The following SYNPO2 variants were observed in gnomAD, a reference collection of about 807,000 sequenced individuals.
SYNPO2 encodes synaptopodin-2.
In SYNPO2, 56 loss-of-function variants were observed where a neutral mutation model predicts 85.0. The ratio of observed to expected loss-of-function variants is 0.66; its 90% CI spans 0.53 to 0.82. SYNPO2 has a LOEUF of 0.82. SYNPO2 is among the 40% of genes least tolerant of loss of function. The pLI is 0.00. For synonymous variants in SYNPO2, 602 were observed against 591.1 expected, an observed-to-expected ratio of 1.02 and a Z score of -0.27; for missense variants, 1,575 against 1,534.2, an observed-to-expected ratio of 1.03 and a Z score of -0.44.
chr4:119,025,290 C>A (rs1010191036), intron 2 of SYNPO2, among the ~76,000 whole-genome samples: 4 of 152,140 alleles, frequency 2.6e-5, no homozygotes, highest in Admixed American at 6.5e-5. Flanking sequence ...ACTCTCTGAC[C>A]TTTTGGTACC....
chr4:118,855,008 TC>T (rs1265650470), intron 1 of SYNPO2, among the ~76,000 whole-genome samples: 1 of 151,896 alleles, frequency 6.6e-6, no homozygotes, highest in Non-Finnish European at 1.5e-5. Flanking sequence ...GTGTTCAAAA[TC>T]AAAACTGTCA....
At chr4:119,042,096 GC>G in intron 4 of SYNPO2, 1 of 6,984 alleles carries the variant, frequency 1.4e-4, no homozygotes, top group Non-Finnish European at 2.9e-4. Flanking sequence ...AAAGGAACAG[GC>G]AGGCGCTGAA....
chr4:118,975,056 C>T (rs959757759), intron 1 of SYNPO2, among the ~76,000 whole-genome samples: 6 of 152,116 alleles, frequency 3.9e-5, no homozygotes, highest in African/African-American at 1.4e-4. Context: ...ATGGTTCTAC[C>T]CCAGTAATCC....
In SYNPO2 at chr4:119,031,889, A is replaced by G; in HGVS notation, c.3114A>G (p.Ala1038=). The G allele has an allele frequency of 1.2e-6, 2 of 1,614,174 alleles. No homozygotes were observed. Residue 1038 remains alanine (A), a synonymous_variant, in exon 4 of 5, where the codon GCA becomes GCG. Transcript: ENST00000307142. ...PAYTSPPSFF[A]EASSPVSASP... ...ATACCTCTCCTCCTTCCTTCTTTGCAGAGGCCTCCTCACCAGTCAGTGCAT... is the reference window on the plus strand; with the variant it reads ...ATACCTCTCCTCCTTCCTTCTTTGCGGAGGCCTCCTCACCAGTCAGTGCAT...
intron 1 of SYNPO2, among the ~76,000 whole-genome samples, chr4:118,938,448 A>G (rs1734188709): frequency 6.6e-6 from 1 of 152,152 alleles, no homozygotes; most frequent in Admixed American, 6.5e-5. Context: ...GAATCCATGG[A>G]TGCAGAAACT....
intron 1 of SYNPO2, among the ~76,000 whole-genome samples, chr4:118,905,166 T>C (rs934208071): frequency 6.6e-5 from 10 of 152,152 alleles, no homozygotes; most frequent in East Asian, 3.8e-4. Context: ...GGACTGAGAG[T>C]AGACACAAAT....
intron 1 of SYNPO2, among the ~76,000 whole-genome samples, chr4:118,856,113 C>T (rs977701420): frequency 1.3e-5 from 2 of 152,146 alleles, no homozygotes; most frequent in African/African-American, 4.8e-5. Context: ...ATACCTGGCC[C>T]CACAGCTAGT....
At position 118,949,589 on chromosome 4, in the gene SYNPO2, A is replaced by C. The variant is rs550874520; in HGVS notation, c.105+60448A>C. On this transcript the variant is annotated intron_variant, in intron 1 of 4. Coordinates refer to ENST00000307142, the MANE Select transcript of SYNPO2 (RefSeq NM_133477.3). The stretch of plus-strand genomic sequence containing the variant: ...AAACCTGTCTCTACTAAAAAAAAAA[A>C]AAAACAAAAATTAGCTGGGTGTAAT... 1.1e-4 allele frequency among the ~76,000 whole-genome samples: 17 copies of C among 151,894 alleles called. No individual in the cohort carries two copies. The South Asian group carries it at 1.5e-3, about 13-fold the overall frequency.
rs367711984 is a variant in SYNPO2, at chr4:119,031,417, C to T, written c.2642C>T (p.Ser881Leu). The T allele has an allele frequency of 1.1e-5, 18 of 1,613,990 alleles. No homozygotes were observed. The highest frequency in any genetic ancestry group is 1.6e-4 in the Middle Eastern group (1 of 6,084). The change falls in exon 4 of 5, where the codon TCG becomes TTG. Residue 881 changes from serine to leucine, a missense_variant. Ser to Leu is a moderately radical substitution (Grantham distance 145). Coordinates refer to ENST00000307142, the MANE Select transcript of SYNPO2 (RefSeq NM_133477.3). The stretch of plus-strand genomic sequence containing the variant: ...GCTCAGCTCTTTGCTAAAAGGCAGT[C>T]GAGAATGGAGAAGTATGTGGTCGAT... ...RGAQLFAKRQ[S>L]RMEKYVVDSD...
rs149745307 is a variant in SYNPO2, at chr4:119,000,439, C to T, written c.106-22991C>T. On this transcript the variant is annotated intron_variant, in intron 1 of 4. Transcript: ENST00000307142. ...GATATGTCCAAGCTGAGGAAGACTT[C>T]CTGATGACTGTCATGTAAAACAGCA... is the stretch of plus-strand genomic sequence containing the variant. Among the ~76,000 whole-genome samples the T allele has an allele frequency of 2.2e-4, 34 of 152,278 alleles. 1 individual carries two copies. In the East Asian group the frequency reaches 6.6e-3, roughly 29 times the overall value.
chr4:119,020,738 T>A (rs1737692075), intron 1 of SYNPO2, among the ~76,000 whole-genome samples: 1 of 152,122 alleles, frequency 6.6e-6, no homozygotes, highest in Non-Finnish European at 1.5e-5. Context: ...CCTACCTAAT[T>A]TTTTTTATAA....
Position 118,888,891 on chromosome 4 carries a change from G to T in SYNPO2, c.-146G>T. ...AGCAGGCGGCTGGGGCGGCGGCTGG[G>T]GCAGCGGCTGCAGCAGCGGCGGACG... On this transcript the variant is annotated 5_prime_UTR_variant, in exon 1 of 5. Coordinates refer to ENST00000307142, the MANE Select transcript of SYNPO2 (RefSeq NM_133477.3). 1.2e-6 allele frequency: 1 copy of T among 804,230 alleles called. No homozygotes were observed. Among genetic ancestry groups the T allele is most frequent in the South Asian group, 1.6e-5 (1 of 64,222 alleles). 49.8% of individuals were successfully genotyped at this position (804,230 alleles called of 1,614,324 possible). A position where few individuals can be genotyped will look rare whatever the true frequency, so the allele number is the denominator to read the frequency against.
intron 1 of SYNPO2, among the ~76,000 whole-genome samples, chr4:118,937,903 ACCTATATGTAT>A (rs1204506871): frequency 6.6e-6 from 1 of 152,136 alleles, no homozygotes; most frequent in East Asian, 1.9e-4. Context: ...TTTTCATATA[ACCTATATGTAT>A]CCTCCCATAT....
chr4:119,040,480 G>A (rs1738671496), intron 4 of SYNPO2, among the ~76,000 whole-genome samples: 1 of 152,096 alleles, frequency 6.6e-6, no homozygotes, highest in Non-Finnish European at 1.5e-5. Context: ...TATTGTGCCA[G>A]CATTCTTTTC....
At chr4:118,943,326 G>A (rs1734384706) in intron 1 of SYNPO2, among the ~76,000 whole-genome samples, 1 of 152,202 alleles carries the variant, frequency 6.6e-6, no homozygotes. Context: ...AGCTACAAGA[G>A]AGGGGCTCGG....
chr4:119,022,724 A>ATTTGT (rs1553947323), intron 1 of SYNPO2, among the ~76,000 whole-genome samples: 1 of 142,300 alleles, frequency 7.0e-6, no homozygotes, highest in Non-Finnish European at 1.5e-5. Context: ...ATTTTATTTT[A>ATTTGT]ATTTTATTTT....
Position 119,031,171 on chromosome 4 carries a change from A to G in SYNPO2, c.2396A>G (p.Lys799Arg), listed in dbSNP as rs573930944. The change falls in exon 4 of 5, where the codon AAG (lysine) becomes AGG (arginine). Residue 799 changes from lysine to arginine, a missense_variant. Lys to Arg is a conservative substitution (Grantham distance 26). This residue lies in a region of SYNPO2 where 1,508 missense variants were observed against 1,446.8 expected (regional missense o/e 1.04). Transcript: ENST00000307142. Reference sequence around the variant, plus strand: ...GCCTTCCCCACATCCAACCCATCAAAGGGCACCGTTGTCTCCTCCATCAAA... The same window carrying G: ...GCCTTCCCCACATCCAACCCATCAAGGGGCACCGTTGTCTCCTCCATCAAA... The part of the protein sequence containing the change: ...PPAFPTSNPS[K>R]GTVVSSIKIA... The G allele has an allele frequency of 6.2e-7, 1 of 1,614,008 alleles. No homozygotes were observed. The highest frequency in any genetic ancestry group is 8.5e-7 in the Non-Finnish European group (1 of 1,179,992).
chr4:118,966,449 C>A (rs1032983340), intron 1 of SYNPO2, among the ~76,000 whole-genome samples: 1 of 152,044 alleles, frequency 6.6e-6, no homozygotes, highest in African/African-American at 2.4e-5. Flanking sequence ...GAGCACAGCT[C>A]CCCCACTTAC....
rs546298905 is a variant in SYNPO2 at position 119,026,734 on chromosome 4, C to A, written c.365C>A (p.Pro122Gln). ...GAAAGTACCACCCTGCAGATTCGAC[C>A]GGCCACAAAGACCCAGTGCACAGAA... ...YVESTTLQIRPATKTQCTEFF... is the reference protein window; with the variant it reads ...YVESTTLQIRQATKTQCTEFF... Residue 122 changes from proline (P) to glutamine (Q), a missense_variant, in exon 3 of 5, where the codon CCG becomes CAG. Around this residue, in one of 3 missense-constraint regions of SYNPO2, gnomAD observed 1,508 missense variants for 1,446.8 expected, o/e 1.04. Transcript: ENST00000307142. 1 of 1,614,128 alleles carries A rather than the reference C, an allele frequency of 6.2e-7. No homozygotes were observed. Among genetic ancestry groups the A allele is most frequent in the East Asian group, 2.2e-5 (1 of 44,874 alleles).
Sources: allele counts gnomAD v4.1 joint callset (sites outside exome capture counted in the v4.1 genomes callset), GRCh38; gene constraint gnomAD v4.1.1; regional missense constraint gnomAD v4.1.1; transcripts MANE v1.5; gene names NCBI Gene and HGNC (gene_info 2026-07-23, HGNC 2026-07-21).